The following BAG3 variants were observed in gnomAD, a reference collection of about 807,000 sequenced individuals.
BAG3 encodes BAG cochaperone 3, also known as BAG family molecular chaperone regulator 3.
A neutral mutation model predicts 40.5 loss-of-function variants in BAG3; 14 were observed. The ratio of observed to expected loss-of-function variants is 0.35; its 90% CI spans 0.23 to 0.54. The LOEUF (loss-of-function observed/expected upper bound fraction) is 0.54, where lower values mean the gene tolerates loss of function less well. BAG3 is among the 20% of genes least tolerant of loss of function. BAG3 has a pLI of 0.91. For missense variants in BAG3, 788 were observed against 758.6 expected (o/e 1.04, Z -0.46); for synonymous variants, 302 against 307.8 (o/e 0.98, Z 0.20).
At chr10:119,670,474 A>G (rs1471835133) in intron 2 of BAG3, among the ~76,000 whole-genome samples, 4 of 152,224 alleles carry the variant, frequency 2.6e-5, no homozygotes, top group South Asian at 4.1e-4. Flanking sequence ...CCAGATGCAC[A>G]CAGGTGGAGG....
rs1847158878 is a variant in BAG3, at chr10:119,672,198, TGCCAAG to T, written c.508-56_508-51del. 9 of 1,604,574 alleles carry T rather than the reference TGCCAAG, an allele frequency of 5.6e-6. No individual in the cohort carries two copies. Among genetic ancestry groups the T allele is most frequent in the Non-Finnish European group, 7.6e-6 (9 of 1,178,054 alleles). On this transcript the variant is annotated intron_variant, in intron 2 of 3. Transcript: ENST00000369085. The surrounding 1 kb of genome is among the most constrained non-coding windows in gnomAD (Gnocchi z 4.8). Reference sequence around the variant, plus strand: ...TGCACAGCAGAAGGCGTGGTCAGGATGCCAAGCCAGGGGAGTCATTTGTGGGGTCAT... The same window carrying T: ...TGCACAGCAGAAGGCGTGGTCAGGATCCAGGGGAGTCATTTGTGGGGTCAT...
intron 1 of BAG3, among the ~76,000 whole-genome samples, chr10:119,652,320 C>T (rs1374437980): frequency 1.3e-5 from 2 of 152,224 alleles, no homozygotes; most frequent in East Asian, 3.8e-4. Context: ...CACTCGCAAG[C>T]TTGGATGGTG....
At chr10:119,662,813 G>C (rs939988537) in intron 1 of BAG3, among the ~76,000 whole-genome samples, 1 of 152,086 alleles carries the variant, frequency 6.6e-6, no homozygotes, top group African/African-American at 2.4e-5. Context: ...AGGAGATCGA[G>C]ACCATCCTGG....
chr10:119,654,591 C>T (rs144392501), intron 1 of BAG3, among the ~76,000 whole-genome samples: 51 of 152,352 alleles, frequency 3.3e-4, no homozygotes, highest in African/African-American at 1.1e-3. Flanking sequence ...GGACGGCTCC[C>T]GGCAAAGATG....
At chr10:119,664,842 C>T (rs993777132) in intron 1 of BAG3, among the ~76,000 whole-genome samples, 2 of 152,082 alleles carry the variant, frequency 1.3e-5, no homozygotes, top group African/African-American at 4.8e-5. Flanking sequence ...CAAAATATCT[C>T]TCTTTGCTAG....
intron 3 of BAG3, among the ~76,000 whole-genome samples, chr10:119,675,996 G>T (rs1847229673): frequency 7.9e-6 from 1 of 125,992 alleles, no homozygotes; most frequent in Admixed American, 8.6e-5. Flanking sequence ...CATAATCGTG[G>T]CTCACTACAG....
chr10:119,675,778 T>TCCTTCCCTCCCCCTCCCCCTCCCTTC (rs1554877581), intron 3 of BAG3, among the ~76,000 whole-genome samples: 1 of 61,482 alleles, frequency 1.6e-5, no homozygotes. Flanking sequence ...CCTCCTTCCC[T>TCCTTCCCTCCCCCTCCCCCTCCCTTC]CCCCCTCCCT....
rs1847159413 is a variant in BAG3 at position 119,672,228 on chromosome 10, A to T, written c.508-27A>T. Reference sequence around the variant, plus strand: ...AGCCAGGGGAGTCATTTGTGGGGTCATGCCCTCTACCCTGTGTCTCTTGCA... The same window carrying T: ...AGCCAGGGGAGTCATTTGTGGGGTCTTGCCCTCTACCCTGTGTCTCTTGCA... On this transcript the variant is annotated intron_variant, in intron 2 of 3. Coordinates refer to ENST00000369085, the MANE Select transcript of BAG3 (RefSeq NM_004281.4). The surrounding 1 kb of genome is among the most constrained non-coding windows in gnomAD (Gnocchi z 4.8). 1 of 1,610,644 alleles carries T rather than the reference A, an allele frequency of 6.2e-7. No individual in the cohort carries two copies. The highest frequency in any genetic ancestry group is 8.5e-7 in the Non-Finnish European group (1 of 1,179,996).
chr10:119,665,092 T>TCTCTGTG (rs34372634), intron 1 of BAG3, among the ~76,000 whole-genome samples: 1 of 87,970 alleles, frequency 1.1e-5, no homozygotes, highest in Non-Finnish European at 2.3e-5. Context: ...TAATTTTTGT[T>TCTCTGTG]TGTGTGTGTG....
chr10:119,669,224 T>C (rs567856737), intron 1 of BAG3, among the ~76,000 whole-genome samples: 1 of 152,326 alleles, frequency 6.6e-6, no homozygotes, highest in Non-Finnish European at 1.5e-5. Context: ...TCAGTTGGCA[T>C]CGTTAGGCGA....
chr10:119,667,230 G>A (rs918836622), intron 1 of BAG3, among the ~76,000 whole-genome samples: 4 of 152,100 alleles, frequency 2.6e-5, no homozygotes, highest in African/African-American at 7.2e-5. Flanking sequence ...GCCCGCCTTA[G>A]CCTCCCAAAG....
intron 2 of BAG3, among the ~76,000 whole-genome samples, chr10:119,670,507 C>T (rs571211078): frequency 6.4e-4 from 97 of 152,382 alleles, no homozygotes; most frequent in Non-Finnish European, 1.2e-3. Context: ...GACCGGAAGC[C>T]TGGCCTGCCT....
chr10:119,677,210 A>G lies in BAG3; in HGVS notation c.1656A>G (p.Pro552=), dbSNP rs762609248. 2.5e-6 allele frequency: 4 copies of G among 1,614,156 alleles called. No homozygotes were observed. The highest frequency in any genetic ancestry group is 1.1e-5 in the South Asian group (1 of 91,066). ...ATCCCCACACAGAAACCCAGCAGCC[A>G]GAAGCCACAGCAGCAGCGACTTCAA... The part of the protein sequence containing the change: ...AEDPHTETQQ[P]EATAAATSNP... Residue 552 remains proline (P), a synonymous_variant, in exon 4 of 4, where the codon CCA becomes CCG. Coordinates refer to ENST00000369085, the MANE Select transcript of BAG3 (RefSeq NM_004281.4).
chr10:119,677,667 C>A lies in BAG3; in HGVS notation c.*385C>A. ...ATGAAACATTTATCAGAAATGTTGC[C>A]ATTTTAATGAGATGATTTTCTTCAT... On this transcript the variant is annotated 3_prime_UTR_variant, in exon 4 of 4. Coordinates refer to ENST00000369085, the MANE Select transcript of BAG3 (RefSeq NM_004281.4). The A allele has an allele frequency of 7.8e-6, 2 of 256,148 alleles. No homozygotes were observed. The highest frequency in any genetic ancestry group is 1.5e-5 in the Non-Finnish European group (2 of 131,400). The allele number at this position is 256,148 out of a possible 1,614,324, so 15.9% of individuals were successfully genotyped here. A position where few individuals can be genotyped will look rare whatever the true frequency, so the allele number is the denominator to read the frequency against.
chr10:119,676,714 C>T lies in BAG3; in HGVS notation c.1160C>T (p.Pro387Leu), dbSNP rs1060502816. ...SPGPSAVPSS[P>L]KSVATEERAA... ...GGCCCTTCTGCTGTCCCCTCTTCCC[C>T]CAAGAGTGTGGCTACAGAAGAGAGG... The change falls in exon 4 of 4, where the codon CCC becomes CTC. Residue 387 changes from proline to leucine, a missense_variant. Transcript: ENST00000369085. 1.2e-6 allele frequency: 2 copies of T among 1,614,058 alleles called. No individual in the cohort carries two copies. Among genetic ancestry groups the T allele is most frequent in the Admixed American group, 3.3e-5 (2 of 60,002 alleles).
At chr10:119,660,910 A>G (rs897418119) in intron 1 of BAG3, among the ~76,000 whole-genome samples, 2 of 151,940 alleles carry the variant, frequency 1.3e-5, no homozygotes, top group African/African-American at 4.8e-5. Context: ...CCTGGCCAAC[A>G]TGGTGAAACC....
intron 3 of BAG3, 99 bp from the exon 4 acceptor site, chr10:119,676,365 A>G: frequency 7.7e-7 from 1 of 1,305,354 alleles, no homozygotes; most frequent in Non-Finnish European, 1.1e-6. Context: ...TTTTTTAAAA[A>G]GCCATTTCTC....
Position 119,670,108 on chromosome 10 carries a change from G to A in BAG3, c.438G>A (p.Gln146=). The A allele has an allele frequency of 1.2e-6, 2 of 1,613,684 alleles. No homozygotes were observed. The highest frequency in any genetic ancestry group is 1.6e-4 in the Middle Eastern group (1 of 6,062). The change falls in exon 2 of 4, where the codon CAG becomes CAA. Residue 146 remains glutamine, a synonymous_variant. Coordinates refer to ENST00000369085, the MANE Select transcript of BAG3 (RefSeq NM_004281.4). ...SPLRGMPETT[Q]PDKQCGQVAA... is the part of the protein sequence containing the mutation. ...TGCGGGGCATGCCAGAAACCACTCA[G>A]CCAGATAAACAGTGTGGACAGGTGG... is the stretch of plus-strand genomic sequence containing the variant.
At position 119,659,345 on chromosome 10, in the gene BAG3, C is replaced by T. The variant is rs150980493; in HGVS notation, c.180+7490C>T. On this transcript the variant is annotated intron_variant, in intron 1 of 3. Coordinates refer to ENST00000369085, the MANE Select transcript of BAG3 (RefSeq NM_004281.4). ...TCTCCCTCAGCTGTGTCTGTGCAGC[C>T]GCAAAGTACCAGGCAGGAGCTAGGA... Among the ~76,000 whole-genome samples the T allele has an allele frequency of 1.1e-4, 17 of 152,320 alleles. No individual in the cohort carries two copies. In the East Asian group the frequency reaches 2.5e-3, roughly 22 times the overall value.
Sources: allele counts gnomAD v4.1 joint callset (sites outside exome capture counted in the v4.1 genomes callset), GRCh38; gene constraint gnomAD v4.1.1; non-coding constraint Gnocchi (gnomAD v3.1); transcripts MANE v1.5; gene names NCBI Gene and HGNC (gene_info 2026-07-23, HGNC 2026-07-21).